Variants in HMGCLL1 observed in about 807,000 individuals in gnomAD.
HMGCLL1 encodes 3-hydroxy-3-methylglutaryl-CoA lyase like 1.
In HMGCLL1, 36 loss-of-function variants were observed where a neutral mutation model predicts 39.1. The observed-to-expected ratio is 0.92, with a 90% CI of 0.71 to 1.22. The LOEUF (loss-of-function observed/expected upper bound fraction) is 1.22. Ranked by LOEUF, HMGCLL1 falls within the 50% of genes most tolerant of loss-of-function variation. HMGCLL1 has a pLI of 0.00. For missense variants in HMGCLL1, 451 were observed against 416.5 expected, an observed-to-expected ratio of 1.08 and a Z score of -0.72; for synonymous variants, 149 against 144.0, an observed-to-expected ratio of 1.03 and a Z score of -0.25.
chr6:55,661,514 A>G, the HMGCLL1 span, among the ~76,000 whole-genome samples: 11 of 151,848 alleles, frequency 7.2e-5, no homozygotes, highest in East Asian at 2.1e-3. Flanking sequence ...TGAAGATCAG[A>G]TGATTGTAGG....
chr6:55,497,600 A>G (rs1057379220), intron 6 of HMGCLL1, among the ~76,000 whole-genome samples: 15 of 152,266 alleles, frequency 9.9e-5, no homozygotes, highest in African/African-American at 3.4e-4. Context: ...AATAAATACC[A>G]GCTAAAAATA....
chr6:55,602,328 T>C, the HMGCLL1 span, among the ~76,000 whole-genome samples: 6 of 152,244 alleles, frequency 3.9e-5, no homozygotes, highest in African/African-American at 1.4e-4. Flanking sequence ...AATAAAAATG[T>C]TTCCATTCCT....
chr6:55,588,771 T>C, the HMGCLL1 span, among the ~76,000 whole-genome samples: 2 of 152,078 alleles, frequency 1.3e-5, no homozygotes, highest in Admixed American at 1.3e-4. Context: ...GAGAATATTA[T>C]AAACACCTCT....
chr6:55,557,976 T>C (rs1490819971), intron 1 of HMGCLL1, among the ~76,000 whole-genome samples: 1 of 152,180 alleles, frequency 6.6e-6, no homozygotes, highest in African/African-American at 2.4e-5. Context: ...TCAAAAATAC[T>C]GGTGCCTTAC....
At chr6:55,638,462 AAG>A in the HMGCLL1 span, among the ~76,000 whole-genome samples, 2 of 152,254 alleles carry the variant, frequency 1.3e-5, no homozygotes, top group East Asian at 3.9e-4. Context: ...TATTTTAAGA[AAG>A]AGTTTAATAT....
chr6:55,456,065 T>C (rs553392644), intron 7 of HMGCLL1, among the ~76,000 whole-genome samples: 1 of 152,276 alleles, frequency 6.6e-6, no homozygotes, highest in South Asian at 2.1e-4. Context: ...AAAGATATAG[T>C]GACTTAATGG....
chr6:55,444,342 A>C (rs1763725080), intron 7 of HMGCLL1, among the ~76,000 whole-genome samples: 1 of 152,044 alleles, frequency 6.6e-6, no homozygotes, highest in African/African-American at 2.4e-5. Context: ...AAATAAATAC[A>C]TATGGGTGAC....
At chr6:55,612,301 CA>C in the HMGCLL1 span, among the ~76,000 whole-genome samples, 1 of 151,832 alleles carries the variant, frequency 6.6e-6, no homozygotes, top group Non-Finnish European at 1.5e-5. Context: ...TAAGAGAGGA[CA>C]AAAACAAATG....
At chr6:55,505,027 T>G (rs965500322) in intron 5 of HMGCLL1, among the ~76,000 whole-genome samples, 4 of 151,688 alleles carry the variant, frequency 2.6e-5, no homozygotes, top group Admixed American at 2.0e-4. Flanking sequence ...AGCATTACAG[T>G]AAATCCTGTG....
At chr6:55,642,666 T>C in the HMGCLL1 span, among the ~76,000 whole-genome samples, 66 of 152,220 alleles carry the variant, frequency 4.3e-4, no homozygotes, top group South Asian at 3.3e-3. Context: ...CAGGGGTACA[T>C]GTGCAGGCTT....
chr6:55,438,522 G>T (rs186081417), intron 8 of HMGCLL1, among the ~76,000 whole-genome samples: 5 of 152,172 alleles, frequency 3.3e-5, no homozygotes, highest in Admixed American at 2.6e-4. Flanking sequence ...ATGCCAGACG[G>T]CTTATTTTTA....
chr6:55,539,992 G>GGAAA (rs1769302683), intron 3 of HMGCLL1, among the ~76,000 whole-genome samples: 3 of 10,652 alleles, frequency 2.8e-4, no homozygotes, highest in Non-Finnish European at 5.4e-4. Flanking sequence ...AAGGAAGGAA[G>GGAAA]GAAGGGAGGG....
At chr6:55,666,887 C>G in the HMGCLL1 span, among the ~76,000 whole-genome samples, 2 of 151,584 alleles carry the variant, frequency 1.3e-5, no homozygotes, top group African/African-American at 2.4e-5. Flanking sequence ...AACTGAGTCT[C>G]TTTTACAACA....
At chr6:55,594,569 C>A in the HMGCLL1 span, among the ~76,000 whole-genome samples, 3 of 152,172 alleles carry the variant, frequency 2.0e-5, no homozygotes, top group Non-Finnish European at 1.5e-5. Flanking sequence ...CAACAAACCT[C>A]TTTCTTTACT....
At chr6:55,580,857 G>A (rs1297477046), upstream of HMGCLL1, among the ~76,000 whole-genome samples, 1 of 152,098 alleles carries the variant, frequency 6.6e-6, no homozygotes, top group Non-Finnish European at 1.5e-5. Flanking sequence ...CATTCATAGA[G>A]CTAAATCTAT....
chr6:55,546,597 A>G (rs1769991409), intron 1 of HMGCLL1, among the ~76,000 whole-genome samples: 1 of 152,160 alleles, frequency 6.6e-6, no homozygotes, highest in African/African-American at 2.4e-5. Context: ...TTTTAGTGCT[A>G]TAGAGATCTG....
chr6:55,590,085 G>A, the HMGCLL1 span, among the ~76,000 whole-genome samples: 6 of 151,934 alleles, frequency 3.9e-5, no homozygotes, highest in African/African-American at 4.8e-5. Flanking sequence ...AAAAGAACCC[G>A]CATTGCCAAG....
chr6:55,528,961 T>C (rs764150613), intron 3 of HMGCLL1, among the ~76,000 whole-genome samples: 4 of 152,088 alleles, frequency 2.6e-5, no homozygotes, highest in Non-Finnish European at 5.9e-5. Context: ...ATTAATAAAA[T>C]AGACCCAGGC....
At chr6:55,584,094 G>A (rs985340245), upstream of HMGCLL1, among the ~76,000 whole-genome samples, 1 of 152,060 alleles carries the variant, frequency 6.6e-6, no homozygotes, top group Non-Finnish European at 1.5e-5. Context: ...GACTAGCAAG[G>A]CCTGTGCCTT....
Sources: allele counts gnomAD v4.1 joint callset (sites outside exome capture counted in the v4.1 genomes callset), GRCh38; gene constraint gnomAD v4.1.1; transcripts MANE v1.5; gene names NCBI Gene and HGNC (gene_info 2026-07-23, HGNC 2026-07-21).